EML5: variants seen among roughly 807,000 people sequenced by gnomAD.
EML5 encodes EMAP like 5.
EML5 carries 120 observed loss-of-function variants against 250.0 expected under a neutral mutation model. The observed-to-expected ratio is 0.48, with a 90% CI of 0.41 to 0.56. The LOEUF (loss-of-function observed/expected upper bound fraction) is 0.56, where lower values mean the gene tolerates loss of function less well. EML5 is among the 20% of genes least tolerant of loss of function. The pLI, the probability that EML5 is intolerant of heterozygous loss-of-function variation, is 0.00. For missense variants in EML5, 2,006 were observed against 2,437.6 expected, an observed-to-expected ratio of 0.82 and a Z score of 3.73; for synonymous variants, 771 against 806.5, an observed-to-expected ratio of 0.96 and a Z score of 0.75.
chr14:88,615,900 A>T (rs1230560352), intron 43 of EML5, 46 bp from the exon 44 acceptor site: 1 of 1,580,472 alleles, frequency 6.3e-7, no homozygotes, highest in Non-Finnish European at 8.6e-7. Context: ...ATGTTTTTAG[A>T]TTTTCATAAC....
In EML5 at chr14:88,627,646, C is replaced by G. The variant is rs1471147185; in HGVS notation, c.4531G>C (p.Gly1511Arg). Residue 1511 changes from glycine (G) to arginine (R), a missense_variant and splice_region_variant, in exon 34 of 44, where the codon GGT becomes CGT. Coordinates refer to ENST00000554922, the MANE Select transcript of EML5 (RefSeq NM_183387.3). The stretch of plus-strand genomic sequence containing the variant: ...AATCAAACACACAAAAGAATCCTAC[C>G]TTCCTGCCATCTCCAAATGGTAATA... ...HTITIWRWQE[G>R]AKIASRAGHN... 2 of 1,591,520 alleles carry G rather than the reference C, an allele frequency of 1.3e-6. No individual in the cohort carries two copies.
chr14:88,772,092 T>G (rs1293644847), intron 1 of EML5, among the ~76,000 whole-genome samples: 1 of 152,204 alleles, frequency 6.6e-6, no homozygotes, highest in Admixed American at 6.5e-5. Context: ...CTCCTTGCCT[T>G]AGTAAATGAT....
At chr14:88,786,813 T>C (rs1175557996) in intron 1 of EML5, among the ~76,000 whole-genome samples, 1 of 152,232 alleles carries the variant, frequency 6.6e-6, no homozygotes, top group Non-Finnish European at 1.5e-5. Flanking sequence ...CCCAGCCATG[T>C]GGAACTGTCA....
At chr14:88,743,218 T>C (rs2093950465) in intron 4 of EML5, among the ~76,000 whole-genome samples, 2 of 152,066 alleles carry the variant, frequency 1.3e-5, no homozygotes, top group African/African-American at 2.4e-5. Context: ...CACTGTAGAA[T>C]GAGTATAGGT....
chr14:88,635,628 C>A (rs1459189237), intron 32 of EML5, among the ~76,000 whole-genome samples: 1 of 152,150 alleles, frequency 6.6e-6, no homozygotes, highest in African/African-American at 2.4e-5. Context: ...AAGGCAGATA[C>A]CAATTTAGAA....
intron 8 of EML5, among the ~76,000 whole-genome samples, chr14:88,716,283 T>C (rs2093492083): frequency 6.6e-6 from 1 of 152,178 alleles, no homozygotes; most frequent in African/African-American, 2.4e-5. Flanking sequence ...CAAGATTGTA[T>C]TATTTGAAGC....
At chr14:88,718,552 A>C (rs2093539427) in intron 8 of EML5, among the ~76,000 whole-genome samples, 1 of 152,230 alleles carries the variant, frequency 6.6e-6, no homozygotes, top group Non-Finnish European at 1.5e-5. Context: ...ATACTGCTGG[A>C]AATTCAAGCT....
intron 17 of EML5, among the ~76,000 whole-genome samples, chr14:88,691,450 T>C (rs540431193): frequency 3.3e-5 from 5 of 152,308 alleles, no homozygotes; most frequent in Admixed American, 6.5e-5. Flanking sequence ...GTTCAGAGCA[T>C]TGACAGCTGG....
At chr14:88,771,210 A>G (rs944926474) in intron 1 of EML5, among the ~76,000 whole-genome samples, 7 of 152,100 alleles carry the variant, frequency 4.6e-5, no homozygotes, top group Non-Finnish European at 1.0e-4. Flanking sequence ...CCTTTTCTCA[A>G]CCTCCAAACT....
At chr14:88,694,465 C>G in intron 16 of EML5, 58 bp from the exon 17 acceptor site, 1 of 1,190,190 alleles carries the variant, frequency 8.4e-7, no homozygotes, top group Non-Finnish European at 1.2e-6. Context: ...GTATTAATCT[C>G]TTGCCTAATC....
At chr14:88,717,077 T>C (rs771292214) in intron 8 of EML5, among the ~76,000 whole-genome samples, 50 of 152,302 alleles carry the variant, frequency 3.3e-4, no homozygotes, top group Middle Eastern at 3.4e-3. Context: ...GATCAGAGCA[T>C]ACAACCGAAG....
intron 8 of EML5, among the ~76,000 whole-genome samples, chr14:88,724,086 T>C (rs971253165): frequency 2.7e-5 from 4 of 147,396 alleles, no homozygotes; most frequent in Admixed American, 1.4e-4. Context: ...CTGGACAACA[T>C]GGTGAAACCC....
rs1478610355 is a variant in EML5, at chr14:88,709,561, C to A, written c.1657+2710G>T. Among the ~76,000 whole-genome samples the A allele has an allele frequency of 3.3e-5, 5 of 152,156 alleles. No individual in the cohort carries two copies. The East Asian group carries it at 5.8e-4, about 18-fold the overall frequency. On this transcript the variant is annotated intron_variant, in intron 10 of 43. Transcript: ENST00000554922. ...AGACCTCAATGTGACATCATTTACACCAACTGGGTTTGCAAAAGTTAGAAA... is the reference window on the plus strand; with the variant it reads ...AGACCTCAATGTGACATCATTTACAACAACTGGGTTTGCAAAAGTTAGAAA...
chr14:88,702,637 T>C lies in EML5; in HGVS notation c.2052-5A>G. Reference sequence around the variant, plus strand: ...CGACAGTCATAACCTCTGTAACTAATATAGAAAACAAATCATATATAATTA... The same window carrying C: ...CGACAGTCATAACCTCTGTAACTAACATAGAAAACAAATCATATATAATTA... On this transcript the variant is annotated splice_polypyrimidine_tract_variant and splice_region_variant and intron_variant, in intron 13 of 43. Coordinates refer to ENST00000554922, the MANE Select transcript of EML5 (RefSeq NM_183387.3). 6.5e-7 allele frequency: 1 copy of C among 1,534,534 alleles called. No individual in the cohort carries two copies. The highest frequency in any genetic ancestry group is 8.8e-7 in the Non-Finnish European group (1 of 1,139,782).
In EML5 at chr14:88,736,387, A is replaced by C; in HGVS notation, c.1026T>G (p.Thr342=). 1 of 1,614,024 alleles carries C rather than the reference A, an allele frequency of 6.2e-7. No individual in the cohort carries two copies. Among genetic ancestry groups the C allele is most frequent in the Non-Finnish European group, 8.5e-7 (1 of 1,179,892 alleles). The part of the protein sequence containing the change: ...AVHPTKPLAV[T]GSDDRSVRIW... ...ACCTGACCGAACGATCATCACTTCC[A>C]GTCACAGCCAAAGGTTTAGTAGGAT... The change falls in exon 7 of 44, where the codon ACT becomes ACG. Residue 342 remains threonine (T), a synonymous_variant. Coordinates refer to ENST00000554922, the MANE Select transcript of EML5 (RefSeq NM_183387.3).
intron 17 of EML5, among the ~76,000 whole-genome samples, chr14:88,692,233 T>G (rs1421983361): frequency 6.6e-6 from 1 of 151,892 alleles, no homozygotes; most frequent in Non-Finnish European, 1.5e-5. Context: ...AAAAATCAGC[T>G]GGGTGTGGTG....
intron 27 of EML5, among the ~76,000 whole-genome samples, chr14:88,656,576 C>T (rs2091880203): frequency 6.6e-6 from 1 of 152,064 alleles, no homozygotes; most frequent in South Asian, 2.1e-4. Flanking sequence ...TGTAACAAAC[C>T]TGCACGTTCT....
chr14:88,729,961 G>A (rs950609822), intron 7 of EML5, among the ~76,000 whole-genome samples: 4 of 151,752 alleles, frequency 2.6e-5, no homozygotes, highest in Non-Finnish European at 5.9e-5. Context: ...TACTGGGAAA[G>A]AGATGATACA....
intron 21 of EML5, among the ~76,000 whole-genome samples, chr14:88,681,113 T>C (rs964703471): frequency 6.6e-6 from 1 of 152,004 alleles, no homozygotes; most frequent in Non-Finnish European, 1.5e-5. Context: ...TGAAAACAAA[T>C]AGAAGTTATA....
Sources: allele counts gnomAD v4.1 joint callset (sites outside exome capture counted in the v4.1 genomes callset), GRCh38; gene constraint gnomAD v4.1.1; transcripts MANE v1.5; gene names NCBI Gene and HGNC (gene_info 2026-07-23, HGNC 2026-07-21).